Variants in DPYD observed in about 807,000 individuals in gnomAD.
DPYD encodes the protein dihydropyrimidine dehydrogenase [NADP(+)].
DPYD carries 109 observed loss-of-function variants against 116.2 expected under a neutral mutation model. The ratio of observed to expected loss-of-function variants is 0.94; its 90% CI spans 0.80 to 1.10. The LOEUF (loss-of-function observed/expected upper bound fraction) is 1.10, where lower values mean the gene tolerates loss of function less well. DPYD is among the 50% of genes least tolerant of loss of function. The pLI is 0.00. For missense variants in DPYD, 1,302 were observed against 1,254.5 expected (o/e 1.04, Z -0.57); for synonymous variants, 440 against 432.0 (o/e 1.02, Z -0.23).
intron 8 of DPYD, among the ~76,000 whole-genome samples, chr1:97,644,428 T>C (rs1253692811): frequency 6.8e-6 from 1 of 146,404 alleles, no homozygotes; most frequent in Non-Finnish European, 1.5e-5. Context: ...TTTTCCATTT[T>C]TGTTTGTTTG....
intron 14 of DPYD, among the ~76,000 whole-genome samples, chr1:97,396,340 T>TA (rs1008442945): frequency 6.0e-5 from 3 of 50,212 alleles, no homozygotes; most frequent in Non-Finnish European, 1.6e-4. Flanking sequence ...CTTTGAATGA[T>TA]TTTTTTGTGC....
At position 97,097,229 on chromosome 1, in the gene DPYD, T is replaced by C. The variant is rs368038164; in HGVS notation, c.2766+1260A>G. Among the ~76,000 whole-genome samples the C allele has an allele frequency of 7.2e-5, 11 of 152,332 alleles. No individual in the cohort carries two copies. The East Asian group carries it at 1.7e-3, about 24-fold the overall frequency. On this transcript the variant is annotated intron_variant, in intron 21 of 22. Coordinates refer to ENST00000370192, the MANE Select transcript of DPYD (RefSeq NM_000110.4). ...GGCATTGAAGTGCTGGCACGCTTTG[T>C]GGTCAGCCACTCCCTTTGCCCTTTC...
chr1:97,337,923 G>C (rs1669384202), intron 16 of DPYD, among the ~76,000 whole-genome samples: 1 of 152,124 alleles, frequency 6.6e-6, no homozygotes, highest in South Asian at 2.1e-4. Context: ...TTATTTCATG[G>C]GAAGTGAGTT....
intron 21 of DPYD, among the ~76,000 whole-genome samples, chr1:97,089,685 G>A (rs564904123): frequency 9.5e-5 from 14 of 146,764 alleles, no homozygotes; most frequent in African/African-American, 3.0e-4. Context: ...TGGGCCATAC[G>A]CATGGTAAAT....
In DPYD at chr1:97,314,786, A is replaced by T. The variant is rs557337022; in HGVS notation, c.2059-8489T>A. On this transcript the variant is annotated intron_variant, in intron 16 of 22. Transcript: ENST00000370192. ...GCCGGCTAATCCCAACAGGAAATCC[A>T]CGGCCTCACCTGGCCATGGTAATGA... is the stretch of plus-strand genomic sequence containing the variant. Among the ~76,000 whole-genome samples the T allele has an allele frequency of 7.2e-5, 11 of 152,076 alleles. No homozygotes were observed. The South Asian group carries it at 2.3e-3, about 32-fold the overall frequency.
At chr1:97,894,489 A>T (rs1258733475) in intron 1 of DPYD, among the ~76,000 whole-genome samples, 1 of 151,814 alleles carries the variant, frequency 6.6e-6, no homozygotes, top group Non-Finnish European at 1.5e-5. Context: ...AAGAGTTCAA[A>T]TGGTACCATG....
At chr1:97,110,208 GTATTTAC>G (rs1380485793) in intron 20 of DPYD, among the ~76,000 whole-genome samples, 1 of 152,122 alleles carries the variant, frequency 6.6e-6, no homozygotes, top group African/African-American at 2.4e-5. Context: ...TATTTGTTGA[GTATTTAC>G]AATTTGTCTA....
chr1:97,720,192 A>G, intron 5 of DPYD: 1 of 985,208 alleles, frequency 1.0e-6, no homozygotes, highest in Non-Finnish European at 1.2e-6. Flanking sequence ...ACACACAAAC[A>G]CACACACCTC....
intron 8 of DPYD, among the ~76,000 whole-genome samples, chr1:97,666,657 C>T (rs1659578757): frequency 6.6e-6 from 1 of 152,002 alleles, no homozygotes; most frequent in Non-Finnish European, 1.5e-5. Flanking sequence ...TTTGGATACA[C>T]CTTTCAAATA....
intron 20 of DPYD, among the ~76,000 whole-genome samples, chr1:97,109,413 C>T (rs1322768719): frequency 4.6e-5 from 7 of 152,014 alleles, no homozygotes; most frequent in Admixed American, 1.3e-4. Flanking sequence ...CTACTGCTTT[C>T]ATGGCTAAAT....
intron 16 of DPYD, among the ~76,000 whole-genome samples, chr1:97,344,595 CCACA>C (rs35038074): frequency 5.4e-5 from 8 of 148,968 alleles, no homozygotes; most frequent in East Asian, 2.0e-4. Flanking sequence ...ATATATGTCA[CCACA>C]CACACACACA....
chr1:97,156,294 A>G (rs1570567790), intron 20 of DPYD, among the ~76,000 whole-genome samples: 1 of 152,092 alleles, frequency 6.6e-6, no homozygotes, highest in Non-Finnish European at 1.5e-5. Flanking sequence ...TACAAACTGC[A>G]TTCTTTAAAG....
chr1:97,404,729 C>T (rs1274060674), intron 14 of DPYD, among the ~76,000 whole-genome samples: 1 of 151,870 alleles, frequency 6.6e-6, no homozygotes, highest in African/African-American at 2.4e-5. Context: ...TTTTTAAATC[C>T]ACTTAAACAA....
chr1:97,306,349 A>C (rs199930652), intron 16 of DPYD, 52 bp from the exon 17 acceptor site: 19 of 1,609,162 alleles, frequency 1.2e-5, no homozygotes, highest in Non-Finnish European at 1.7e-6. Flanking sequence ...ATTGTGATCA[A>C]AATGTGTACT....
At chr1:97,731,332 T>C (rs560719554) in intron 4 of DPYD, among the ~76,000 whole-genome samples, 4 of 152,092 alleles carry the variant, frequency 2.6e-5, no homozygotes, top group Non-Finnish European at 5.9e-5. Flanking sequence ...GTACATAATT[T>C]AAACCCATTA....
chr1:97,307,199 A>C (rs909847621), intron 16 of DPYD, among the ~76,000 whole-genome samples: 1 of 151,876 alleles, frequency 6.6e-6, no homozygotes, highest in African/African-American at 2.4e-5. Flanking sequence ...GGTACTGATA[A>C]TGTGCTTTGA....
At position 97,610,922 on chromosome 1, in the gene DPYD, C is replaced by T. The variant is rs561723831; in HGVS notation, c.851-15756G>A. Reference sequence around the variant, plus strand: ...ATGTCAGAAAGAGGAAAGACATTACCAGTTTTAGTTTCATATCTCTATTTG... The same window carrying T: ...ATGTCAGAAAGAGGAAAGACATTACTAGTTTTAGTTTCATATCTCTATTTG... On this transcript the variant is annotated intron_variant, in intron 8 of 22. Coordinates refer to ENST00000370192, the MANE Select transcript of DPYD (RefSeq NM_000110.4). Among the ~76,000 whole-genome samples the T allele has an allele frequency of 4.6e-5, 7 of 151,872 alleles. 1 individual carries two copies. The South Asian group carries it at 1.5e-3, about 32-fold the overall frequency.
intron 20 of DPYD, among the ~76,000 whole-genome samples, chr1:97,108,505 A>G (rs1182010185): frequency 3.3e-5 from 5 of 152,158 alleles, no homozygotes; most frequent in African/African-American, 1.2e-4. Flanking sequence ...GAACATTCTG[A>G]GTCTATTAGG....
At chr1:97,465,992 T>C (rs1433790815) in intron 13 of DPYD, among the ~76,000 whole-genome samples, 1 of 152,092 alleles carries the variant, frequency 6.6e-6, no homozygotes, top group East Asian at 1.9e-4. Flanking sequence ...TCCCAGCTAC[T>C]TGGGCGGCTG....
Sources: allele counts gnomAD v4.1 joint callset (sites outside exome capture counted in the v4.1 genomes callset), GRCh38; gene constraint gnomAD v4.1.1; transcripts MANE v1.5; gene names NCBI Gene and HGNC (gene_info 2026-07-23, HGNC 2026-07-21).